The following FAM184B variants were observed in gnomAD, a reference collection of about 807,000 sequenced individuals.
FAM184B encodes family with sequence similarity 184 member B.
A neutral mutation model predicts 135.9 loss-of-function variants in FAM184B; 111 were observed. The ratio of observed to expected loss-of-function variants is 0.82; its 90% CI spans 0.70 to 0.96. The LOEUF is 0.96. Among genes scored for constraint, FAM184B ranks in the 40% least tolerant of loss-of-function variants. The pLI, the probability that FAM184B is intolerant of heterozygous loss-of-function variation, is 0.00. For missense variants in FAM184B, 1,375 were observed against 1,323.9 expected (o/e 1.04, Z -0.60); for synonymous variants, 552 against 524.8 (o/e 1.05, Z -0.71).
intron 1 of FAM184B, among the ~76,000 whole-genome samples, chr4:17,728,559 A>C (rs1717696064): frequency 6.6e-6 from 1 of 152,170 alleles, no homozygotes; most frequent in African/African-American, 2.4e-5. Context: ...CAGTCAGTGT[A>C]GGTCCTGCAG....
chr4:17,679,275 T>C (rs2109521), intron 7 of FAM184B, among the ~76,000 whole-genome samples: 83,214 of 152,112 alleles, frequency 0.55, 24,331 homozygotes, highest in East Asian at 0.82. Flanking sequence ...TTGCAATCTA[T>C]ATATCTGAGA....
At position 17,633,862 on chromosome 4, in the gene FAM184B, G is replaced by T; in HGVS notation, c.2916C>A (p.Ser972Arg). Residue 972 changes from serine to arginine, a missense_variant, in exon 17 of 18, where the codon AGC becomes AGA. Coordinates refer to ENST00000265018, the MANE Select transcript of FAM184B (RefSeq NM_015688.2). Reference protein sequence around the residue: ...MKKKKVEDVPSRVVSVPNLAS... With the variant: ...MKKKKVEDVPRRVVSVPNLAS... ...CGAGGTTCGGCACGCTGACCACGCGGCTGGGCACGTCCTCCACCTTCTTTT... is the reference window on the plus strand; with the variant it reads ...CGAGGTTCGGCACGCTGACCACGCGTCTGGGCACGTCCTCCACCTTCTTTT... 1 of 1,550,464 alleles carries T rather than the reference G, an allele frequency of 6.4e-7. No individual in the cohort carries two copies. The highest frequency in any genetic ancestry group is 1.2e-5 in the South Asian group (1 of 83,918).
intron 12 of FAM184B, among the ~76,000 whole-genome samples, chr4:17,645,839 G>C (rs921311302): frequency 3.9e-5 from 6 of 152,038 alleles, no homozygotes; most frequent in African/African-American, 1.2e-4. Context: ...CTGACAAAGG[G>C]CTAATATCCA....
At chr4:17,760,982 C>A (rs143991929) in intron 1 of FAM184B, among the ~76,000 whole-genome samples, 327 of 152,316 alleles carry the variant, frequency 2.1e-3, no homozygotes, top group Middle Eastern at 0.014. Context: ...TTTGCACAGT[C>A]CCCTCCCCAC....
At chr4:17,728,579 G>A (rs564883572) in intron 1 of FAM184B, among the ~76,000 whole-genome samples, 1 of 152,096 alleles carries the variant, frequency 6.6e-6, no homozygotes, top group Non-Finnish European at 1.5e-5. Flanking sequence ...GTGAAAGCAG[G>A]TGTCCTGAAG....
intron 9 of FAM184B, among the ~76,000 whole-genome samples, chr4:17,658,939 C>G (rs1032627355): frequency 1.8e-4 from 28 of 152,228 alleles, no homozygotes; most frequent in Middle Eastern, 3.4e-3. Context: ...TCCACATCCC[C>G]CATCACAGGA....
At chr4:17,770,126 A>G (rs957278609) in intron 1 of FAM184B, among the ~76,000 whole-genome samples, 1 of 152,270 alleles carries the variant, frequency 6.6e-6, no homozygotes, top group East Asian at 1.9e-4. Context: ...AGTGACCACA[A>G]TAAAAAAATT....
chr4:17,707,503 G>T, intron 3 of FAM184B, 146 bp downstream of exon 3: 1 of 975,818 alleles, frequency 1.0e-6, no homozygotes, highest in Non-Finnish European at 1.5e-6. Flanking sequence ...ACCCTGCAGG[G>T]ATTGGTCTCA....
In FAM184B at chr4:17,635,065, G is replaced by T; in HGVS notation, c.2833C>A (p.Arg945=). The T allele has an allele frequency of 6.4e-7, 1 of 1,551,790 alleles. No individual in the cohort carries two copies. The highest frequency in any genetic ancestry group is 8.7e-7 in the Non-Finnish European group (1 of 1,146,988). Residue 945 remains arginine (R), a synonymous_variant, in exon 16 of 18, where the codon CGG becomes AGG. Transcript: ENST00000265018. ...YAAFPSAMSH[R]NRSFSFNPHP... ...GGATTGAAAGAGAAAGACCGATTCC[G>T]GTGGGACATGGCACTGGGGAATGCT...
rs1719024945 is a variant in FAM184B, at chr4:17,781,164, T to C, written c.136A>G (p.Thr46Ala). The change falls in exon 1 of 18, where the codon ACC becomes GCC. Residue 46 changes from threonine to alanine, a missense_variant. Thr to Ala is a moderately conservative substitution (Grantham distance 58, BLOSUM62 0). Transcript: ENST00000265018. This position sits in a 1 kb window ranked among gnomAD's most constrained non-coding sequence, Gnocchi z 6.5. Reference protein sequence around the residue: ...VKMCKKIAQLTKVIYALNTRQ... With the variant: ...VKMCKKIAQLAKVIYALNTRQ... ...CCCGCTGCGCCCCACCTTACCTTGG[T>C]GAGCTGGGCGATCTTCTTGCACATT... The C allele has an allele frequency of 6.5e-7, 1 of 1,543,884 alleles. No individual in the cohort carries two copies. Among genetic ancestry groups the C allele is most frequent in the African/African-American group, 1.4e-5 (1 of 72,620 alleles).
intron 1 of FAM184B, among the ~76,000 whole-genome samples, chr4:17,754,333 C>T (rs1284787697): frequency 6.6e-6 from 1 of 152,072 alleles, no homozygotes; most frequent in East Asian, 1.9e-4. Context: ...AGGTAGATCA[C>T]CTGAGTTCGG....
In FAM184B at chr4:17,781,082, G is replaced by A. The variant is rs35662238; in HGVS notation, c.141+77C>T. Reference sequence around the variant, plus strand: ...TGTCTGGATTTGGCCCGGGCCTCCCGGGAGGCGCATCCGCACTGACTCCCG... The same window carrying A: ...TGTCTGGATTTGGCCCGGGCCTCCCAGGAGGCGCATCCGCACTGACTCCCG... On this transcript the variant is annotated intron_variant, in intron 1 of 17. Coordinates refer to ENST00000265018, the MANE Select transcript of FAM184B (RefSeq NM_015688.2). The surrounding 1 kb of genome is among the most constrained non-coding windows in gnomAD (Gnocchi z 6.5). 341,247 of 1,415,296 alleles carry A rather than the reference G, an allele frequency of 0.24. 42,335 individuals carry two copies. The highest frequency in any genetic ancestry group is 0.3 in the South Asian group (19,924 of 66,336). 87.7% of individuals were successfully genotyped at this position (1,415,296 alleles called of 1,614,324 possible). A position where few individuals can be genotyped will look rare whatever the true frequency, so the allele number is the denominator to read the frequency against.
Position 17,702,917 on chromosome 4 carries a change from G to A in FAM184B, c.1377+2083C>T, listed in dbSNP as rs796417438. On this transcript the variant is annotated intron_variant, in intron 5 of 17. Transcript: ENST00000265018. ...ATTTGTGCAACCAGTTGCAGCTCAT[G>A]TGGAGAAAAAATGCTTTCAATACAG... 8.2e-4 allele frequency among the ~76,000 whole-genome samples: 125 copies of A among 152,294 alleles called. 1 individual carries two copies. The highest frequency in any genetic ancestry group is 2.8e-3 in the African/African-American group (117 of 41,566).
chr4:17,765,533 TAGC>T (rs1432402602), intron 1 of FAM184B, among the ~76,000 whole-genome samples: 1 of 139,336 alleles, frequency 7.2e-6, no homozygotes, highest in Non-Finnish European at 1.5e-5. Flanking sequence ...TCACAGTTCT[TAGC>T]AGCATATCAA....
intron 1 of FAM184B, among the ~76,000 whole-genome samples, chr4:17,771,340 G>C (rs1344347343): frequency 2.6e-5 from 4 of 152,134 alleles, no homozygotes; most frequent in African/African-American, 9.7e-5. Flanking sequence ...GACCAGAATG[G>C]TTATGCAGAA....
At chr4:17,746,800 G>A (rs1180045696) in intron 1 of FAM184B, among the ~76,000 whole-genome samples, 1 of 151,542 alleles carries the variant, frequency 6.6e-6, no homozygotes, top group Non-Finnish European at 1.5e-5. Context: ...CACTTTGGGA[G>A]GCTGAGGCGG....
At chr4:17,658,634 T>C (rs1715838232) in intron 9 of FAM184B, 72 bp from the exon 10 acceptor site, 6 of 1,395,212 alleles carry the variant, frequency 4.3e-6, no homozygotes, top group Non-Finnish European at 4.9e-6. Context: ...AAATAAAAGC[T>C]TTCTAAATGT....
rs751120400 is a variant in FAM184B at position 17,705,150 on chromosome 4, G to C, written c.1227C>G (p.Asp409Glu). The C allele has an allele frequency of 6.4e-7, 1 of 1,551,730 alleles. No homozygotes were observed. Among genetic ancestry groups the C allele is most frequent in the Admixed American group, 2.0e-5 (1 of 50,994 alleles). Residue 409 changes from aspartate to glutamate, a missense_variant, in exon 5 of 18, where the codon GAC (aspartate) becomes GAG (glutamate). Coordinates refer to ENST00000265018, the MANE Select transcript of FAM184B (RefSeq NM_015688.2). ...TEYMKQQYEE[D>E]LRKIKHQTEE... ...CTGTCTGATGTTTGATTTTACGAAG[G>C]TCTTCTTCATATTGTTGCTTCATAT...
intron 14 of FAM184B, 87 bp downstream of exon 14, chr4:17,639,163 G>A (rs1715233967): frequency 2.2e-6 from 3 of 1,349,934 alleles, no homozygotes; most frequent in African/African-American, 2.9e-5. Context: ...TGAAAACCAG[G>A]AAATCCCAGG....
Sources: gnomAD v4.1 joint callset for allele counts (sites outside exome capture counted in the v4.1 genomes callset) on GRCh38, gnomAD v4.1.1 for gene constraint, Gnocchi (gnomAD v3.1) non-coding constraint, MANE v1.5 for transcripts, NCBI Gene and HGNC (gene_info 2026-07-23, HGNC 2026-07-21) for gene names.